Variants in PRMT7 observed in about 807,000 individuals in gnomAD.
PRMT7 encodes the protein protein arginine methyltransferase 7.
PRMT7 carries 75 observed loss-of-function variants against 85.4 expected under a neutral mutation model. That is an observed-to-expected ratio of 0.88 (90% CI 0.73 to 1.06). The LOEUF (loss-of-function observed/expected upper bound fraction) is 1.06. Among genes scored for constraint, PRMT7 ranks in the 50% least tolerant of loss-of-function variants. The pLI, the probability that PRMT7 is intolerant of heterozygous loss-of-function variation, is 0.00. For synonymous variants in PRMT7, 397 were observed against 359.5 expected (o/e 1.10, Z -1.18); for missense variants, 868 against 915.2 (o/e 0.95, Z 0.67).
intron 5 of PRMT7, among the ~76,000 whole-genome samples, chr16:68,325,115 C>G (rs186921560): frequency 2.0e-5 from 3 of 151,132 alleles, no homozygotes; most frequent in Admixed American, 6.6e-5. Context: ...CCCAGCACTT[C>G]GGGAGGGTGA....
At chr16:68,337,184 T>C (rs910409119) in intron 6 of PRMT7, among the ~76,000 whole-genome samples, 3 of 152,310 alleles carry the variant, frequency 2.0e-5, no homozygotes, top group Middle Eastern at 6.8e-3. Flanking sequence ...ATATTAAGCA[T>C]ACAGAATAGC....
At position 68,315,904 on chromosome 16, in the gene PRMT7, ACAGT is replaced by A; in HGVS notation, c.-72_-69del. On this transcript the variant is annotated 5_prime_UTR_variant, in exon 3 of 19. Transcript: ENST00000441236. ...TCCTTCTGATGTTAATAGATTTCTG[ACAGT>A]CAGACTTGTCCACAAGAACTCAACT... 1.7e-6 allele frequency: 2 copies of A among 1,191,014 alleles called. No individual in the cohort carries two copies. The highest frequency in any genetic ancestry group is 2.5e-6 in the Non-Finnish European group (2 of 803,768). 73.8% of individuals were successfully genotyped at this position (1,191,014 alleles called of 1,614,324 possible).
intron 2 of PRMT7, among the ~76,000 whole-genome samples, chr16:68,314,011 G>A (rs556495333): frequency 6.6e-6 from 1 of 152,348 alleles, no homozygotes; most frequent in East Asian, 1.9e-4. Flanking sequence ...GTATTGTTTT[G>A]TGGAACATTT....
chr16:68,319,273 A>C (rs2082213220), intron 3 of PRMT7, among the ~76,000 whole-genome samples: 1 of 152,186 alleles, frequency 6.6e-6, no homozygotes, highest in African/African-American at 2.4e-5. Context: ...TAGAGGGCTG[A>C]AGAAGGAATC....
At position 68,344,933 on chromosome 16, in the gene PRMT7, T is replaced by TACACACACACACACACACAC. The variant is rs368385265; in HGVS notation, c.928-737_928-718dup. On this transcript the variant is annotated intron_variant, in intron 9 of 18. Transcript: ENST00000441236. The stretch of plus-strand genomic sequence containing the variant: ...CTTTCTGCCTCCCTTCCTGCATCTC[T>TACACACACACACACACACAC]ACACACACACACACACACACACACG... Among the ~76,000 whole-genome samples, 896 of 131,156 alleles carry TACACACACACACACACACAC rather than the reference T, an allele frequency of 6.8e-3. 14 individuals carry two copies. Among genetic ancestry groups the TACACACACACACACACACAC allele is most frequent in the African/African-American group, 0.021 (718 of 33,432 alleles). The allele number at this position is 131,156 out of a possible 152,430, so 86.0% of individuals were successfully genotyped here.
intron 10 of PRMT7, 149 bp from the exon 11 acceptor site, chr16:68,345,996 C>CT: frequency 7.4e-7 from 1 of 1,353,614 alleles, no homozygotes; most frequent in Non-Finnish European, 1.0e-6. Context: ...TTGCTGGAAT[C>CT]TGTTTAGAGC....
intron 6 of PRMT7, 47 bp from the exon 7 acceptor site, chr16:68,337,412 T>C (rs759006004): frequency 6.8e-6 from 9 of 1,330,498 alleles, no homozygotes; most frequent in Non-Finnish European, 9.6e-6. Context: ...TAAATATTTT[T>C]CCTAGTCTGT....
intron 9 of PRMT7, among the ~76,000 whole-genome samples, chr16:68,345,286 A>G (rs762167040): frequency 6.6e-6 from 1 of 152,220 alleles, no homozygotes; most frequent in Non-Finnish European, 1.5e-5. Flanking sequence ...GACTGTTCTG[A>G]AAAGGTTCCC....
At chr16:68,338,471 C>T (rs1037585955) in intron 7 of PRMT7, among the ~76,000 whole-genome samples, 1 of 151,834 alleles carries the variant, frequency 6.6e-6, no homozygotes, top group Non-Finnish European at 1.5e-5. Context: ...CCCAGAGATG[C>T]ATGGATTTAC....
intron 9 of PRMT7, among the ~76,000 whole-genome samples, chr16:68,342,084 C>T (rs762916370): frequency 2.6e-5 from 4 of 152,114 alleles, no homozygotes; most frequent in Non-Finnish European, 5.9e-5. Flanking sequence ...TCGAGACCAG[C>T]CTGGCCAACA....
At chr16:68,333,520 G>A (rs1414800700) in intron 6 of PRMT7, among the ~76,000 whole-genome samples, 2 of 151,746 alleles carry the variant, frequency 1.3e-5, no homozygotes, top group South Asian at 2.1e-4. Context: ...ACTAGGTCTC[G>A]CTTTGTTTCA....
Position 68,355,843 on chromosome 16 carries a change from C to G in PRMT7, c.1771C>G (p.Leu591Val), listed in dbSNP as rs1423680978. ...CTTTGACTTCCAGCAGCCGGTGCCC[C>G]TGCAGCCCCTGTGTGCCGAGGGCAC... ...LTFDFQQPVP[L>V]QPLCAEGTVE... The change falls in exon 17 of 19, where the codon CTG (leucine) becomes GTG (valine). Residue 591 changes from leucine to valine, a missense_variant. By Grantham distance (32) the Leu-to-Val change is conservative. Transcript: ENST00000441236. 1 of 1,608,544 alleles carries G rather than the reference C, an allele frequency of 6.2e-7. No individual in the cohort carries two copies. Among genetic ancestry groups the G allele is most frequent in the Non-Finnish European group, 8.5e-7 (1 of 1,179,254 alleles).
Position 68,339,359 on chromosome 16 carries a change from A to G in PRMT7, c.542A>G (p.Tyr181Cys), listed in dbSNP as rs751566875. The G allele has an allele frequency of 7.4e-6, 12 of 1,614,082 alleles. No homozygotes were observed. In the Admixed American group the frequency reaches 1.0e-4, roughly 13 times the overall value. ...GCCGTGCCCCACAGAGCCACCGTCT[A>G]TGCACAGCTGGTGGAGTCCGGGAGG... is the stretch of plus-strand genomic sequence containing the variant. ...CEAVPHRATV[Y>C]AQLVESGRMW... The change falls in exon 8 of 19, where the codon TAT (tyrosine) becomes TGT (cysteine). Residue 181 changes from tyrosine (Y) to cysteine (C), a missense_variant. Coordinates refer to ENST00000441236, the MANE Select transcript of PRMT7 (RefSeq NM_019023.5).
rs74542251 is a variant in PRMT7, at chr16:68,332,399, T to A, written c.391+3225T>A. Among the ~76,000 whole-genome samples the A allele has an allele frequency of 9.3e-4, 142 of 152,346 alleles. 4 individuals are homozygous for A. The East Asian group carries it at 0.025, about 27-fold the overall frequency. On this transcript the variant is annotated intron_variant, in intron 6 of 18. Coordinates refer to ENST00000441236, the MANE Select transcript of PRMT7 (RefSeq NM_019023.5). ...TCGAGTGTGTAAAATTGCCACCTGTTGAGAACCACTGCTCTAAGGCTGTTT... is the reference window on the plus strand; with the variant it reads ...TCGAGTGTGTAAAATTGCCACCTGTAGAGAACCACTGCTCTAAGGCTGTTT...
chr16:68,321,500 G>GT (rs374901460), intron 4 of PRMT7, 38 bp downstream of exon 4: 2 of 1,561,084 alleles, frequency 1.3e-6, no homozygotes, highest in East Asian at 4.5e-5. Context: ...GATGTGGGGT[G>GT]TTTTGAAGTC....
chr16:68,341,528 G>A lies in PRMT7; in HGVS notation c.927+1560G>A, dbSNP rs191862753. Among the ~76,000 whole-genome samples, 422 of 152,264 alleles carry A rather than the reference G, an allele frequency of 2.8e-3. 2 individuals carry two copies. Among genetic ancestry groups the A allele is most frequent in the African/African-American group, 9.8e-3 (406 of 41,538 alleles). The stretch of plus-strand genomic sequence containing the variant: ...GGGTTCAAGCAATTCTCCTGCCTCA[G>A]CCCCCTGAGTAGCTGGGATTACGGG... On this transcript the variant is annotated intron_variant, in intron 9 of 18. Transcript: ENST00000441236.
At chr16:68,333,907 A>G (rs1035743894) in intron 6 of PRMT7, among the ~76,000 whole-genome samples, 3 of 152,104 alleles carry the variant, frequency 2.0e-5, no homozygotes, top group African/African-American at 4.8e-5. Context: ...TAAGTAGCTG[A>G]TATTACAGGC....
intron 2 of PRMT7, among the ~76,000 whole-genome samples, chr16:68,313,106 T>A (rs1484547524): frequency 6.6e-6 from 1 of 152,198 alleles, no homozygotes; most frequent in African/African-American, 2.4e-5. Flanking sequence ...ATTATAGGCG[T>A]GAGTCACCGT....
Position 68,348,344 on chromosome 16 carries a change from C to A in PRMT7, c.1326C>A (p.Ile442=), listed in dbSNP as rs1597440007. Residue 442 remains isoleucine (I), a splice_region_variant and synonymous_variant, in exon 14 of 19, where the codon ATC becomes ATA. Coordinates refer to ENST00000441236, the MANE Select transcript of PRMT7 (RefSeq NM_019023.5). ...AATTTTACGGTTTTCTTTCTAAGATCTTCAAGGCTAACCACTTGGAAGATA... is the reference window on the plus strand; with the variant it reads ...AATTTTACGGTTTTCTTTCTAAGATATTCAAGGCTAACCACTTGGAAGATA... The part of the protein sequence containing the change: ...SAASHKLLRK[I]FKANHLEDKI... The A allele has an allele frequency of 6.3e-7, 1 of 1,597,396 alleles. No individual in the cohort carries two copies. The highest frequency in any genetic ancestry group is 1.3e-5 in the African/African-American group (1 of 74,496).
Sources: allele counts gnomAD v4.1 joint callset (sites outside exome capture counted in the v4.1 genomes callset), GRCh38; gene constraint gnomAD v4.1.1; transcripts MANE v1.5; gene names NCBI Gene and HGNC (gene_info 2026-07-23, HGNC 2026-07-21).